The following FAM221A variants were observed in gnomAD, a reference collection of about 807,000 sequenced individuals.
The protein encoded by FAM221A is protein FAM221A.
FAM221A carries 43 observed loss-of-function variants against 37.6 expected under a neutral mutation model. The ratio of observed to expected loss-of-function variants is 1.15; its 90% confidence interval spans 0.90 to 1.48. FAM221A has a LOEUF of 1.48. Among genes scored for constraint, FAM221A ranks in the 40% most tolerant of loss-of-function variants. FAM221A has a pLI of 0.00. For synonymous variants in FAM221A, 135 were observed against 132.9 expected (o/e 1.02, Z -0.11); for missense variants, 361 against 361.5 (o/e 1.00, Z 0.01).
intron 4 of FAM221A, among the ~76,000 whole-genome samples, chr7:23,696,724 G>A (rs1785081784): frequency 6.6e-6 from 1 of 152,170 alleles, no homozygotes; most frequent in Non-Finnish European, 1.5e-5. Flanking sequence ...GAAAGAAGGT[G>A]GAGTGAAGAA....
chr7:23,686,281 TGA>T, intron 2 of FAM221A: 2 of 436,380 alleles, frequency 4.6e-6, no homozygotes, highest in Admixed American at 5.0e-5. Context: ...TTTTTTTTTT[TGA>T]GACAGGGTCT....
chr7:23,690,402 G>A (rs778258166), intron 3 of FAM221A, among the ~76,000 whole-genome samples: 29 of 151,330 alleles, frequency 1.9e-4, no homozygotes, highest in Admixed American at 4.6e-4. Context: ...ACGGGGTTTT[G>A]CCATGTTGGT....
At chr7:23,701,857 A>T (rs560282138) in intron 6 of FAM221A, among the ~76,000 whole-genome samples, 1 of 152,324 alleles carries the variant, frequency 6.6e-6, no homozygotes, top group Middle Eastern at 3.4e-3. Flanking sequence ...GTGGCAATTG[A>T]AATTGTTTTC....
At chr7:23,701,775 C>T (rs1046001312) in intron 6 of FAM221A, among the ~76,000 whole-genome samples, 1 of 152,122 alleles carries the variant, frequency 6.6e-6, no homozygotes, top group Non-Finnish European at 1.5e-5. Context: ...GGATTAGGTG[C>T]ATTATGTAAC....
intron 4 of FAM221A, chr7:23,693,471 T>A (rs1784865498): frequency 8.8e-6 from 1 of 113,148 alleles, no homozygotes; most frequent in Non-Finnish European, 2.1e-5. Context: ...CCCTTGCTCA[T>A]TTTTTTTTTG....
intron 5 of FAM221A, among the ~76,000 whole-genome samples, chr7:23,700,229 C>A (rs1045001215): frequency 6.6e-6 from 1 of 152,154 alleles, no homozygotes; most frequent in African/African-American, 2.4e-5. Context: ...TGAAGGTGTA[C>A]TTTTCTATGC....
At chr7:23,687,638 C>T (rs1183998751) in intron 2 of FAM221A, 1 of 146,688 alleles carries the variant, frequency 6.8e-6, no homozygotes. Flanking sequence ...TCTTTTGTAA[C>T]ACTCTTTTTT....
chr7:23,691,786 G>A lies in FAM221A; in HGVS notation c.637+190G>A, dbSNP rs1372361391. Among the ~76,000 whole-genome samples, 3 of 151,406 alleles carry A rather than the reference G, an allele frequency of 2.0e-5. No homozygotes were observed. In the East Asian group the frequency reaches 5.8e-4, roughly 29 times the overall value. On this transcript the variant is annotated intron_variant, in intron 4 of 6. Transcript: ENST00000344962. ...TTTTTTATTTTTTCAGACCTATTTA[G>A]TATCCATAAAAGAGGTTTTATTGCT...
intron 2 of FAM221A, among the ~76,000 whole-genome samples, chr7:23,685,611 T>G (rs1468150883): frequency 6.6e-6 from 1 of 152,228 alleles, no homozygotes; most frequent in African/African-American, 2.4e-5. Flanking sequence ...CTCCTCAAAT[T>G]TACTAATTGC....
chr7:23,684,933 G>A (rs1463574503), intron 2 of FAM221A, among the ~76,000 whole-genome samples: 1 of 152,072 alleles, frequency 6.6e-6, no homozygotes, highest in Non-Finnish European at 1.5e-5. Flanking sequence ...CTGGGTGACA[G>A]AGAGTGAAAC....
chr7:23,702,018 T>C, intron 6 of FAM221A, 78 bp from the exon 7 acceptor site: 1 of 905,112 alleles, frequency 1.1e-6, no homozygotes, highest in Non-Finnish European at 1.6e-6. Flanking sequence ...GACATGAATC[T>C]GAATGAGTTT....
At chr7:23,701,219 T>A (rs1209387592) in intron 6 of FAM221A, among the ~76,000 whole-genome samples, 1 of 151,266 alleles carries the variant, frequency 6.6e-6, no homozygotes, top group East Asian at 1.9e-4. Flanking sequence ...AAATAAAGAT[T>A]GAATATATTT....
At chr7:23,699,163 G>A (rs1173427598) in intron 5 of FAM221A, among the ~76,000 whole-genome samples, 1 of 147,136 alleles carries the variant, frequency 6.8e-6, no homozygotes, top group Non-Finnish European at 1.5e-5. Context: ...TGTTGTCCAA[G>A]CTGGTGTGCA....
rs777246194 is a variant in FAM221A, at chr7:23,684,484, A to G, written c.66-15A>G. On this transcript the variant is annotated splice_polypyrimidine_tract_variant and intron_variant, in intron 1 of 6. Coordinates refer to ENST00000344962, the MANE Select transcript of FAM221A (RefSeq NM_199136.5). ...AATACTCAAAGCTTAAGAGAAATAT[A>G]TATTTTTGTTGTAGAATTGTTGGTG... The G allele has an allele frequency of 2.0e-5, 31 of 1,553,102 alleles. No individual in the cohort carries two copies. The East Asian group carries it at 5.6e-4, about 28-fold the overall frequency.
At chr7:23,696,712 A>G (rs1785080992) in intron 4 of FAM221A, among the ~76,000 whole-genome samples, 1 of 152,234 alleles carries the variant, frequency 6.6e-6, no homozygotes, top group Non-Finnish European at 1.5e-5. Flanking sequence ...CTTTTGGTCA[A>G]TGAAAGAAGG....
chr7:23,687,108 A>G (rs1784421411), intron 2 of FAM221A: 1 of 152,238 alleles, frequency 6.6e-6, no homozygotes, highest in Non-Finnish European at 1.5e-5. Flanking sequence ...ATGTGTGTGC[A>G]TAAAATACTG....
intron 4 of FAM221A, chr7:23,692,402 C>T (rs1246642888): frequency 2.7e-5 from 7 of 254,942 alleles, no homozygotes; most frequent in Admixed American, 6.6e-5. Context: ...AGTGCAATGG[C>T]GCGATCTCGG....
rs1429439145 is a variant in FAM221A, at chr7:23,690,197, A to ATTT, written c.430+739_430+740insTTT. On this transcript the variant is annotated intron_variant, in intron 3 of 6. Transcript: ENST00000344962. ...TATATATATATATATATATATATAT[A>ATTT]TATTTTTTTTTTTTTTAATAGAGTT... Among the ~76,000 whole-genome samples the ATTT allele has an allele frequency of 5.0e-3, 183 of 36,412 alleles. 1 individual carries two copies. Among genetic ancestry groups the ATTT allele is most frequent in the African/African-American group, 0.016 (141 of 8,908 alleles). The allele number at this position is 36,412 out of a possible 152,430, so 23.9% of individuals were successfully genotyped here.
chr7:23,696,004 A>G (rs1785036400), intron 4 of FAM221A, among the ~76,000 whole-genome samples: 1 of 152,194 alleles, frequency 6.6e-6, no homozygotes. Flanking sequence ...GTCATGTGCC[A>G]CTAAATGATG....
Sources: gnomAD v4.1 joint callset for allele counts (sites outside exome capture counted in the v4.1 genomes callset) on GRCh38, gnomAD v4.1.1 for gene constraint, MANE v1.5 for transcripts, NCBI Gene and HGNC (gene_info 2026-07-23, HGNC 2026-07-21) for gene names.